The following HOXA3 variants were observed in gnomAD, a reference collection of about 807,000 sequenced individuals.
The protein encoded by HOXA3 is homeobox A3.
HOXA3 carries 8 observed loss-of-function variants against 30.3 expected under a neutral mutation model. That is an observed-to-expected ratio of 0.26 (90% CI 0.15 to 0.48). The LOEUF is 0.48. Among genes scored for constraint, HOXA3 ranks in the 20% least tolerant of loss-of-function variants. HOXA3 has a pLI of 0.99. For missense variants in HOXA3, 653 were observed against 614.4 expected (o/e 1.06, Z -0.66); for synonymous variants, 323 against 273.1 (o/e 1.18, Z -1.80).
intron 1 of HOXA3, chr7:27,141,113 CAAAAAAAAAA>C (rs147485948): frequency 1.7e-4 from 14 of 82,918 alleles, no homozygotes; most frequent in Admixed American, 9.3e-4. Flanking sequence ...AAAACAAATA[CAAAAAAAAAA>C]AAAAAAAAAA....
chr7:27,125,136 G>C (rs1308532976), intron 3 of HOXA3, among the ~76,000 whole-genome samples: 1 of 152,232 alleles, frequency 6.6e-6, no homozygotes, highest in Non-Finnish European at 1.5e-5. Context: ...ATTCCTGGCA[G>C]AATATCTTCC....
At chr7:27,129,651 G>T (rs958050808) in intron 2 of HOXA3, 1 of 1,500,012 alleles carries the variant, frequency 6.7e-7, no homozygotes, top group Admixed American at 1.8e-5. Context: ...AGAGAAGGTG[G>T]GGTGGGGAAG....
intron 4 of HOXA3, among the ~76,000 whole-genome samples, chr7:27,117,979 T>G (rs1784813025): frequency 6.6e-6 from 1 of 152,022 alleles, no homozygotes; most frequent in South Asian, 2.1e-4. Flanking sequence ...GGGAATTAAA[T>G]TCAGAGTCTG....
chr7:27,108,079 G>C lies in HOXA3; in HGVS notation c.1168C>G (p.His390Asp), dbSNP rs746997972. 2 of 1,612,914 alleles carry C rather than the reference G, an allele frequency of 1.2e-6. No individual in the cohort carries two copies. Among genetic ancestry groups the C allele is most frequent in the South Asian group, 2.2e-5 (2 of 91,010 alleles). Residue 390 changes from histidine to aspartate, a missense_variant, in exon 6 of 6, where the codon CAC becomes GAC. Physicochemically the swap from His to Asp is moderately conservative, Grantham distance 81 (BLOSUM62 -1). Transcript: ENST00000612286. The surrounding 1 kb of genome is among the most constrained non-coding windows in gnomAD (Gnocchi z 5.0). Reference protein sequence around the residue: ...PALFGLTHLPHAASGAMDYGG... With the variant: ...PALFGLTHLPDAASGAMDYGG... The stretch of plus-strand genomic sequence containing the variant: ...TAGTCCATGGCGCCCGAGGCAGCGT[G>C]GGGGAGGTGAGTTAGACCAAAGAGG...
At chr7:27,145,871 C>T (rs759859340) in intron 1 of HOXA3, 1 of 1,614,064 alleles carries the variant, frequency 6.2e-7, no homozygotes, top group Non-Finnish European at 8.5e-7. Context: ...TCTGGTAGCG[C>T]GTGTAGGTCT....
chr7:27,110,754 C>T lies in HOXA3; in HGVS notation c.-114G>A, dbSNP rs1179865473. On this transcript the variant is annotated 5_prime_UTR_variant, in exon 5 of 6. Coordinates refer to ENST00000612286, the MANE Select transcript of HOXA3 (RefSeq NM_153631.3). ...CACTCCGCCGCCAATGGCCGCCCCG[C>T]GCAGACCTGGTGGGGCGAGAAGCGC... 6.6e-7 allele frequency: 1 copy of T among 1,526,570 alleles called. No homozygotes were observed. Among genetic ancestry groups the T allele is most frequent in the Non-Finnish European group, 8.9e-7 (1 of 1,122,852 alleles). The allele number at this position is 1,526,570 out of a possible 1,614,324, so 94.6% of individuals were successfully genotyped here. A position where few individuals can be genotyped will look rare whatever the true frequency, so the allele number is the denominator to read the frequency against.
intron 4 of HOXA3, among the ~76,000 whole-genome samples, chr7:27,114,608 C>T (rs1445624740): frequency 6.6e-6 from 1 of 150,788 alleles, no homozygotes; most frequent in Non-Finnish European, 1.5e-5. Context: ...AAATGGGATG[C>T]TCTGGGCTCA....
Position 27,107,880 on chromosome 7 carries a change from G to T in HOXA3, c.*35C>A, listed in dbSNP as rs1168371262. The T allele has an allele frequency of 3.7e-6, 5 of 1,354,334 alleles. No individual in the cohort carries two copies. The highest frequency in any genetic ancestry group is 3.9e-6 in the Non-Finnish European group (4 of 1,023,682). The allele number at this position is 1,354,334 out of a possible 1,614,324, so 83.9% of individuals were successfully genotyped here. ...AACCAAAGAAAAAAGGTGGGTGGGG[G>T]GAGACTCTCCTGGCGCGTAGCCCCA... On this transcript the variant is annotated 3_prime_UTR_variant, in exon 6 of 6. Coordinates refer to ENST00000612286, the MANE Select transcript of HOXA3 (RefSeq NM_153631.3).
rs1214448909 is a variant in HOXA3, at chr7:27,108,167, T to C, written c.1080A>G (p.Ile360Met). ...CCCCCACGAAGACGGGGCTTCCCTG[T>C]ATGTGTGGGGTCCCATAGCTGCCGT... The part of the protein sequence containing the change: ...QGNGSYGTPH[I>M]QGSPVFVGGS... The change falls in exon 6 of 6, where the codon ATA becomes ATG. Residue 360 changes from isoleucine to methionine, a missense_variant. Coordinates refer to ENST00000612286, the MANE Select transcript of HOXA3 (RefSeq NM_153631.3). The surrounding 1 kb of genome is among the most constrained non-coding windows in gnomAD (Gnocchi z 5.0). 2 of 1,571,726 alleles carry C rather than the reference T, an allele frequency of 1.3e-6. No individual in the cohort carries two copies. Among genetic ancestry groups the C allele is most frequent in the Non-Finnish European group, 1.7e-6 (2 of 1,155,788 alleles).
chr7:27,139,677 C>G (rs971925692), intron 2 of HOXA3, among the ~76,000 whole-genome samples: 3 of 152,156 alleles, frequency 2.0e-5, no homozygotes, highest in African/African-American at 7.2e-5. Context: ...CTCCCAGCCC[C>G]GACCCCAGGG....
intron 2 of HOXA3, among the ~76,000 whole-genome samples, chr7:27,134,487 T>C (rs1029738154): frequency 2.6e-5 from 4 of 152,232 alleles, no homozygotes; most frequent in African/African-American, 9.6e-5. Context: ...CTGACATGTC[T>C]ATAAGGTGTG....
intron 1 of HOXA3, among the ~76,000 whole-genome samples, chr7:27,146,229 G>A (rs1026058889): frequency 3.4e-5 from 5 of 145,426 alleles, no homozygotes; most frequent in Non-Finnish European, 6.0e-5. Context: ...TTTTTGTGGG[G>A]ATGCAGGGTG....
intron 2 of HOXA3, chr7:27,130,948 G>GC (rs1272585215): frequency 3.4e-6 from 2 of 593,490 alleles, no homozygotes; most frequent in Non-Finnish European, 3.1e-6. Flanking sequence ...CCCGCCCCGT[G>GC]CCCCACGTGC....
chr7:27,121,393 T>C (rs904101535), intron 4 of HOXA3, among the ~76,000 whole-genome samples: 2 of 152,214 alleles, frequency 1.3e-5, no homozygotes, highest in Non-Finnish European at 2.9e-5. Context: ...CCTGCAACTA[T>C]TTATACATGC....
chr7:27,130,145 A>AG, intron 2 of HOXA3: 1 of 1,603,906 alleles, frequency 6.2e-7, no homozygotes. Context: ...TTCTTCATCC[A>AG]GGGGTACACC....
chr7:27,151,394 G>T (rs1583417373), intron 1 of HOXA3: 1 of 340,364 alleles, frequency 2.9e-6, no homozygotes, highest in East Asian at 8.5e-5. Flanking sequence ...GGGGAGTGCG[G>T]TCGCCAGTCC....
intron 1 of HOXA3, 89 bp downstream of exon 1, chr7:27,152,199 A>C: frequency 5.4e-6 from 4 of 737,852 alleles, no homozygotes; most frequent in Non-Finnish European, 7.6e-6. Context: ...TGCCCCTCTT[A>C]AAGCCTCCCT....
chr7:27,145,707 T>C (rs1044749855), intron 1 of HOXA3: 5 of 1,614,092 alleles, frequency 3.1e-6, no homozygotes, highest in African/African-American at 2.7e-5. Flanking sequence ...CTGCGTGGAA[T>C]TGATGAGCTT....
rs770172796 is a variant in HOXA3, at chr7:27,107,925, G to C, written c.1322C>G (p.Thr441Ser). ...QGRIQEAPKL[T>S]HL ...GCCCCAAGCCCACTATCACAGGTGG[G>C]TGAGCTTGGGTGCTTCCTGAATTCT... is the stretch of plus-strand genomic sequence containing the variant. Residue 441 changes from threonine (T) to serine (S), a missense_variant, in exon 6 of 6, where the codon ACC (threonine) becomes AGC (serine). Around this residue, in one of 3 missense-constraint regions of HOXA3, gnomAD observed 330 missense variants for 274.4 expected, o/e 1.20. Coordinates refer to ENST00000612286, the MANE Select transcript of HOXA3 (RefSeq NM_153631.3). 1 of 1,573,544 alleles carries C rather than the reference G, an allele frequency of 6.4e-7. No individual in the cohort carries two copies. The highest frequency in any genetic ancestry group is 1.1e-5 in the South Asian group (1 of 88,672).
Sources: gnomAD v4.1 joint callset for allele counts (sites outside exome capture counted in the v4.1 genomes callset) on GRCh38, gnomAD v4.1.1 for gene constraint, gnomAD v4.1.1 regional missense constraint, Gnocchi (gnomAD v3.1) non-coding constraint, MANE v1.5 for transcripts, NCBI Gene and HGNC (gene_info 2026-07-23, HGNC 2026-07-21) for gene names.